Variants in KLF7 observed in about 807,000 individuals in gnomAD.
The protein encoded by KLF7 is KLF transcription factor 7.
KLF7 carries 2 observed loss-of-function variants against 27.3 expected under a neutral mutation model. The observed-to-expected ratio is 0.07, with a 90% CI of 0.03 to 0.23. KLF7 has a LOEUF of 0.23. Among genes scored for constraint, KLF7 ranks in the 10% least tolerant of loss-of-function variants. The probability of loss-of-function intolerance (pLI) is 1.00; values close to 1 mark genes in which losing one functional copy is unlikely to be tolerated. For synonymous variants in KLF7, 165 were observed against 162.4 expected (o/e 1.02, Z -0.12); for missense variants, 221 against 394.1 (o/e 0.56, Z 3.72).
intron 1 of KLF7, among the ~76,000 whole-genome samples, chr2:207,126,664 G>T (rs1055657066): frequency 1.3e-5 from 2 of 152,120 alleles, no homozygotes; most frequent in African/African-American, 2.4e-5. Flanking sequence ...TTTGCCGGGC[G>T]CAGTGGCTTG....
rs2076599099 is a variant in KLF7 at position 207,095,136 on chromosome 2, G to A, written c.734-6555C>T. Reference sequence around the variant, plus strand: ...GCTCACTGCAAGCTCCGCCTCCTGGGTTCACGCCATTCTCCTGCCTCAGCC... The same window carrying A: ...GCTCACTGCAAGCTCCGCCTCCTGGATTCACGCCATTCTCCTGCCTCAGCC... On this transcript the variant is annotated intron_variant, in intron 2 of 3. Coordinates refer to ENST00000309446, the MANE Select transcript of KLF7 (RefSeq NM_003709.4). Among the ~76,000 whole-genome samples the A allele has an allele frequency of 1.3e-5, 2 of 150,336 alleles. 1 individual carries two copies. The highest frequency in any genetic ancestry group is 4.2e-4 in the South Asian group (2 of 4,778).
At chr2:207,156,856 A>G (rs536850984) in intron 1 of KLF7, among the ~76,000 whole-genome samples, 7 of 152,314 alleles carry the variant, frequency 4.6e-5, no homozygotes, top group Admixed American at 3.9e-4. Context: ...ATATTTCAAT[A>G]TAAGAAGCAG....
At chr2:207,157,238 A>G (rs975791900) in intron 1 of KLF7, among the ~76,000 whole-genome samples, 29 of 151,670 alleles carry the variant, frequency 1.9e-4, no homozygotes, top group Middle Eastern at 3.4e-3. Context: ...AAAAAAAAAA[A>G]AAAGAAAAGC....
At chr2:207,126,417 T>TG (rs1400138542) in intron 1 of KLF7, among the ~76,000 whole-genome samples, 1 of 152,224 alleles carries the variant, frequency 6.6e-6, no homozygotes, top group African/African-American at 2.4e-5. Context: ...ACTATTACTT[T>TG]GATCATTCTA....
At chr2:207,094,733 C>T (rs1466958800) in intron 2 of KLF7, among the ~76,000 whole-genome samples, 1 of 152,178 alleles carries the variant, frequency 6.6e-6, no homozygotes, top group Non-Finnish European at 1.5e-5. Flanking sequence ...TATGCTAAGT[C>T]ACTGTATCTG....
chr2:207,077,353 C>T lies in KLF7; in HGVS notation c.*3860G>A, dbSNP rs564701723. ...CAAACAAAAGTCCTTATAAAATCTT[C>T]TCTGAAGCCAGAGAAGATTTTTTAA... On this transcript the variant is annotated 3_prime_UTR_variant, in exon 4 of 4. Transcript: ENST00000309446. 1 of 152,300 alleles carries T rather than the reference C, an allele frequency of 6.6e-6. No homozygotes were observed. The highest frequency in any genetic ancestry group is 1.5e-5 in the Non-Finnish European group (1 of 68,026). 9.4% of individuals were successfully genotyped at this position (152,300 alleles called of 1,614,324 possible).
intron 2 of KLF7, among the ~76,000 whole-genome samples, chr2:207,113,491 C>T (rs539726257): frequency 1.3e-4 from 20 of 151,600 alleles, no homozygotes; most frequent in Admixed American, 1.3e-3. Context: ...CTCCCCTCCC[C>T]ACTGACTAAA....
In KLF7 at chr2:207,087,747, CAG is replaced by C. The variant is rs2076423907; in HGVS notation, c.857+709_857+710del. Reference sequence around the variant, plus strand: ...CTAATCCTGCCTTCACCTTGGCCTGCAGAGTCTCCATTTTGGGGTTTATTGGT... The same window carrying C: ...CTAATCCTGCCTTCACCTTGGCCTGCAGTCTCCATTTTGGGGTTTATTGGT... On this transcript the variant is annotated intron_variant, in intron 3 of 3. Transcript: ENST00000309446. Among the ~76,000 whole-genome samples the C allele has an allele frequency of 2.0e-5, 3 of 152,206 alleles. No homozygotes were observed. The South Asian group carries it at 6.2e-4, about 32-fold the overall frequency.
chr2:207,165,022 T>A (rs1574607635), intron 1 of KLF7, among the ~76,000 whole-genome samples: 1 of 106,610 alleles, frequency 9.4e-6, no homozygotes. Context: ...CATCCGATGG[T>A]CATAAGCACC....
chr2:207,146,229 T>C (rs996080796), intron 1 of KLF7, among the ~76,000 whole-genome samples: 3 of 152,222 alleles, frequency 2.0e-5, no homozygotes, highest in African/African-American at 7.2e-5. Flanking sequence ...CATATCACCC[T>C]TCCTTCCATT....
chr2:207,123,731 G>A (rs764093472), intron 2 of KLF7, 43 bp downstream of exon 2: 7 of 1,574,582 alleles, frequency 4.4e-6, no homozygotes, highest in South Asian at 1.2e-5. Flanking sequence ...GAGGCTACAG[G>A]AGGGGAAAGA....
intron 2 of KLF7, among the ~76,000 whole-genome samples, chr2:207,108,039 C>A (rs780854996): frequency 6.6e-6 from 1 of 152,128 alleles, no homozygotes; most frequent in Non-Finnish European, 1.5e-5. Flanking sequence ...GGTAATTGAT[C>A]CCACAAGCTT....
chr2:207,142,547 G>C (rs571631035), intron 1 of KLF7, among the ~76,000 whole-genome samples: 153 of 152,302 alleles, frequency 1.0e-3, no homozygotes, highest in African/African-American at 3.5e-3. Flanking sequence ...CTAAGCACTA[G>C]GCTGAATGAA....
At chr2:207,100,824 T>C (rs1045014654) in intron 2 of KLF7, among the ~76,000 whole-genome samples, 5 of 152,220 alleles carry the variant, frequency 3.3e-5, no homozygotes, top group African/African-American at 1.2e-4. Context: ...AAATGAAAAG[T>C]GCTTTTAAAA....
At chr2:207,117,795 C>T (rs1200740233) in intron 2 of KLF7, among the ~76,000 whole-genome samples, 1 of 152,174 alleles carries the variant, frequency 6.6e-6, no homozygotes, top group African/African-American at 2.4e-5. Context: ...CATCAATAAA[C>T]ACTCTGTCCA....
At chr2:207,106,823 G>A (rs2076895722) in intron 2 of KLF7, among the ~76,000 whole-genome samples, 1 of 152,288 alleles carries the variant, frequency 6.6e-6, no homozygotes, top group Non-Finnish European at 1.5e-5. Context: ...GAGTGGGATG[G>A]AGTGGGGTGG....
At chr2:207,144,716 A>G (rs1334978091) in intron 1 of KLF7, among the ~76,000 whole-genome samples, 1 of 152,250 alleles carries the variant, frequency 6.6e-6, no homozygotes, top group East Asian at 1.9e-4. Flanking sequence ...ATCTGCTGAC[A>G]TTAAAAGTAA....
chr2:207,114,399 GA>G (rs2077121742), intron 2 of KLF7, among the ~76,000 whole-genome samples: 1 of 152,182 alleles, frequency 6.6e-6, no homozygotes, highest in Non-Finnish European at 1.5e-5. Flanking sequence ...AACACCATGT[GA>G]TAAGTTCATA....
At chr2:207,144,439 A>G (rs2078039552) in intron 1 of KLF7, among the ~76,000 whole-genome samples, 1 of 152,192 alleles carries the variant, frequency 6.6e-6, no homozygotes, top group South Asian at 2.1e-4. Context: ...CCAGAACGAA[A>G]TAATAGCTCT....
Sources: allele counts gnomAD v4.1 joint callset (sites outside exome capture counted in the v4.1 genomes callset), GRCh38; gene constraint gnomAD v4.1.1; transcripts MANE v1.5; gene names NCBI Gene and HGNC (gene_info 2026-07-23, HGNC 2026-07-21).